The following ZBTB20 variants were observed in gnomAD, a reference collection of about 807,000 sequenced individuals.
ZBTB20 encodes the protein zinc finger and BTB domain containing 20.
In ZBTB20, 9 loss-of-function variants were observed where a neutral mutation model predicts 56.9. The observed-to-expected ratio is 0.16, with a 90% confidence interval of 0.10 to 0.28. ZBTB20 has a LOEUF of 0.28. ZBTB20 is among the 10% of genes least tolerant of loss of function. The pLI is 1.00. For missense variants in ZBTB20, 655 were observed against 1,003.0 expected (o/e 0.65, Z 4.69); for synonymous variants, 417 against 420.7 (o/e 0.99, Z 0.11).
intron 7 of ZBTB20, among the ~76,000 whole-genome samples, chr3:114,425,036 T>C (rs1387525267): frequency 6.6e-6 from 1 of 151,552 alleles, no homozygotes; most frequent in African/African-American, 2.4e-5. Context: ...AACCATTACA[T>C]AATTGTGTAG....
intron 6 of ZBTB20, among the ~76,000 whole-genome samples, chr3:114,661,622 T>C (rs919767225): frequency 6.6e-6 from 1 of 152,182 alleles, no homozygotes; most frequent in African/African-American, 2.4e-5. Flanking sequence ...AAGTGGATTG[T>C]TAATGCAGCC....
chr3:114,344,369 T>C (rs1371284536), intron 11 of ZBTB20, among the ~76,000 whole-genome samples: 1 of 152,210 alleles, frequency 6.6e-6, no homozygotes, highest in African/African-American at 2.4e-5. Flanking sequence ...TTGAAGGTCA[T>C]CTAAGAAGTC....
intron 6 of ZBTB20, among the ~76,000 whole-genome samples, chr3:114,620,347 C>T (rs1037494229): frequency 6.6e-6 from 1 of 151,968 alleles, no homozygotes; most frequent in Non-Finnish European, 1.5e-5. Flanking sequence ...GGCTGGAGTG[C>T]AATGGCACGA....
chr3:114,392,349 A>G (rs894465620), intron 7 of ZBTB20, among the ~76,000 whole-genome samples: 1 of 152,210 alleles, frequency 6.6e-6, no homozygotes, highest in African/African-American at 2.4e-5. Context: ...TGATGGGATT[A>G]TTTCACACGG....
intron 4 of ZBTB20, among the ~76,000 whole-genome samples, chr3:114,860,632 G>A (rs1483131389): frequency 1.3e-5 from 2 of 152,200 alleles, no homozygotes; most frequent in Non-Finnish European, 2.9e-5. Flanking sequence ...ATTGTGAGAA[G>A]AGTTGCTTTC....
chr3:114,737,271 T>C (rs1450833931), intron 5 of ZBTB20, among the ~76,000 whole-genome samples: 1 of 152,188 alleles, frequency 6.6e-6, no homozygotes, highest in Non-Finnish European at 1.5e-5. Flanking sequence ...AAATTTGGTT[T>C]ACTGTAAAGA....
intron 6 of ZBTB20, among the ~76,000 whole-genome samples, chr3:114,591,592 A>G (rs1212626923): frequency 2.0e-5 from 3 of 152,222 alleles, no homozygotes; most frequent in Non-Finnish European, 4.4e-5. Flanking sequence ...GTTTGGTGCT[A>G]GCTCACCAGC....
chr3:114,646,582 T>C (rs190543990), intron 6 of ZBTB20, among the ~76,000 whole-genome samples: 41 of 152,334 alleles, frequency 2.7e-4, no homozygotes, highest in Non-Finnish European at 5.0e-4. Flanking sequence ...TCATTGTATA[T>C]TGGAGAGTTA....
chr3:114,747,997 A>C (rs191979969), intron 5 of ZBTB20, among the ~76,000 whole-genome samples: 322 of 151,924 alleles, frequency 2.1e-3, no homozygotes, highest in African/African-American at 6.7e-3. Context: ...TACATACACA[A>C]TAAAACTTAT....
At chr3:114,799,724 A>G (rs1178107881) in intron 5 of ZBTB20, among the ~76,000 whole-genome samples, 1 of 151,934 alleles carries the variant, frequency 6.6e-6, no homozygotes, top group African/African-American at 2.4e-5. Context: ...ACTATCATTT[A>G]TTCACTCATA....
intron 2 of ZBTB20, among the ~76,000 whole-genome samples, chr3:115,068,414 A>G (rs1210080727): frequency 6.6e-6 from 1 of 152,090 alleles, no homozygotes; most frequent in African/African-American, 2.4e-5. Context: ...CACACAGCAG[A>G]ATAAAGAAAA....
intron 3 of ZBTB20, among the ~76,000 whole-genome samples, chr3:114,923,838 T>A (rs1173975651): frequency 6.6e-6 from 1 of 152,112 alleles, no homozygotes; most frequent in African/African-American, 2.4e-5. Flanking sequence ...ATATTCAGAA[T>A]GTATGTAGAA....
At chr3:114,838,992 T>C (rs1337796152) in intron 4 of ZBTB20, among the ~76,000 whole-genome samples, 2 of 152,172 alleles carry the variant, frequency 1.3e-5, no homozygotes, top group Non-Finnish European at 2.9e-5. Context: ...TTATCATTCC[T>C]GTTCTATTAA....
intron 6 of ZBTB20, among the ~76,000 whole-genome samples, chr3:114,651,642 G>A (rs2060139545): frequency 6.6e-6 from 1 of 150,758 alleles, no homozygotes; most frequent in African/African-American, 2.4e-5. Context: ...TTTGCAATAT[G>A]CAACAAAACA....
At position 115,118,595 on chromosome 3, in the gene ZBTB20, C is replaced by A. The variant is rs1327459005; in HGVS notation, c.-703+28624G>T. ...TAACCGTTTTACACTAAGAAAGTGACATCTAATGATAATAAATATTATTAA... is the reference window on the plus strand; with the variant it reads ...TAACCGTTTTACACTAAGAAAGTGAAATCTAATGATAATAAATATTATTAA... On this transcript the variant is annotated intron_variant, in intron 1 of 11. Coordinates refer to ENST00000675478, the MANE Select transcript of ZBTB20 (RefSeq NM_001348800.3). 3.3e-5 allele frequency among the ~76,000 whole-genome samples: 5 copies of A among 150,410 alleles called. No individual in the cohort carries two copies. The East Asian group carries it at 9.8e-4, about 30-fold the overall frequency.
intron 7 of ZBTB20, among the ~76,000 whole-genome samples, chr3:114,449,383 G>C (rs889959894): frequency 1.3e-5 from 2 of 152,130 alleles, no homozygotes; most frequent in Non-Finnish European, 2.9e-5. Flanking sequence ...AACAGCTAAT[G>C]AGTAAGTACA....
At chr3:114,972,317 C>A (rs529828131) in intron 3 of ZBTB20, among the ~76,000 whole-genome samples, 1 of 152,214 alleles carries the variant, frequency 6.6e-6, no homozygotes, top group African/African-American at 2.4e-5. Context: ...TGTGCCTTCC[C>A]TCATTTGGTT....
At chr3:114,607,743 G>C (rs1476410280) in intron 6 of ZBTB20, among the ~76,000 whole-genome samples, 1 of 152,140 alleles carries the variant, frequency 6.6e-6, no homozygotes, top group African/African-American at 2.4e-5. Flanking sequence ...CCAAAGAGTT[G>C]ATTATCTTAG....
chr3:114,554,397 C>A (rs995240796), intron 6 of ZBTB20, among the ~76,000 whole-genome samples: 19 of 152,058 alleles, frequency 1.2e-4, no homozygotes, highest in African/African-American at 4.6e-4. Context: ...AATCCAACTG[C>A]AAAGCAAGGG....
Sources: allele counts gnomAD v4.1 joint callset (sites outside exome capture counted in the v4.1 genomes callset), GRCh38; gene constraint gnomAD v4.1.1; transcripts MANE v1.5; gene names NCBI Gene and HGNC (gene_info 2026-07-23, HGNC 2026-07-21).